ROBO2: variants seen among roughly 807,000 people sequenced by gnomAD.
The protein encoded by ROBO2 is roundabout guidance receptor 2, also known as roundabout homolog 2.
A neutral mutation model predicts 160.8 loss-of-function variants in ROBO2; 53 were observed. That is an observed-to-expected ratio of 0.33 (90% CI 0.26 to 0.41). The LOEUF (loss-of-function observed/expected upper bound fraction) is 0.41, where lower values mean the gene tolerates loss of function less well. ROBO2 is among the 10% of genes least tolerant of loss of function. The pLI is 1.00. For missense variants in ROBO2, 1,577 were observed against 1,722.4 expected (o/e 0.92, Z 1.49); for synonymous variants, 664 against 611.7 (o/e 1.09, Z -1.26).
chr3:77,029,181 G>A (rs768278006), intron 2 of ROBO2, among the ~76,000 whole-genome samples: 1 of 152,134 alleles, frequency 6.6e-6, no homozygotes, highest in African/African-American at 2.4e-5. Flanking sequence ...TGTGTGGTGT[G>A]TGTGTATGTG....
chr3:77,503,633 T>A (rs2153609824), intron 5 of ROBO2, among the ~76,000 whole-genome samples: 1 of 152,032 alleles, frequency 6.6e-6, no homozygotes, highest in South Asian at 2.1e-4. Flanking sequence ...AGAGTATGAT[T>A]TTTGCTAATT....
intron 2 of ROBO2, among the ~76,000 whole-genome samples, chr3:76,114,348 G>T (rs751132687): frequency 6.6e-6 from 1 of 152,016 alleles, no homozygotes; most frequent in African/African-American, 2.4e-5. Context: ...GGAATAAATT[G>T]ATTCTATCCA....
chr3:76,304,236 C>T (rs2071213717), intron 2 of ROBO2, among the ~76,000 whole-genome samples: 1 of 152,172 alleles, frequency 6.6e-6, no homozygotes, highest in Non-Finnish European at 1.5e-5. Flanking sequence ...TTTGCCTTTG[C>T]AGCAGGCTGA....
chr3:76,063,674 T>C (rs1012894821), intron 2 of ROBO2, among the ~76,000 whole-genome samples: 27 of 152,044 alleles, frequency 1.8e-4, no homozygotes, highest in African/African-American at 6.0e-4. Flanking sequence ...TACCAAACTT[T>C]TGAGATAGGT....
intron 2 of ROBO2, among the ~76,000 whole-genome samples, chr3:76,924,089 A>C (rs2076834331): frequency 6.6e-6 from 1 of 152,184 alleles, no homozygotes; most frequent in African/African-American, 2.4e-5. Context: ...CAGTATGTAG[A>C]CCATCAAGTT....
chr3:77,509,425 C>G (rs1323955005), intron 5 of ROBO2, among the ~76,000 whole-genome samples: 1 of 151,924 alleles, frequency 6.6e-6, no homozygotes, highest in African/African-American at 2.4e-5. Flanking sequence ...CAGGTGTGAG[C>G]AAGGATATTC....
Position 77,294,602 on chromosome 3 carries a change from A to C in ROBO2, c.389-182812A>C, listed in dbSNP as rs1363088630. Among the ~76,000 whole-genome samples, 370 of 147,400 alleles carry C rather than the reference A, an allele frequency of 2.5e-3. 31 individuals are homozygous for C. The highest frequency in any genetic ancestry group is 9.4e-3 in the African/African-American group (353 of 37,684). The stretch of plus-strand genomic sequence containing the variant: ...ACAGGTAAGCTGAGGCTAGATCATC[A>C]AAGACATAAAGTAAAATTGACGGTT... On this transcript the variant is annotated intron_variant, in intron 2 of 25. Transcript: ENST00000461745.
intron 2 of ROBO2, among the ~76,000 whole-genome samples, chr3:76,243,092 T>G (rs1576060813): frequency 6.6e-6 from 1 of 151,802 alleles, no homozygotes; most frequent in African/African-American, 2.4e-5. Flanking sequence ...TTCCAGGGGG[T>G]TTCTCATTCC....
chr3:76,127,898 T>TC (rs1221303849), intron 2 of ROBO2, among the ~76,000 whole-genome samples: 1 of 144,444 alleles, frequency 6.9e-6, no homozygotes, highest in Non-Finnish European at 1.5e-5. Flanking sequence ...ACATTTCTTT[T>TC]TTTTTTTTTT....
At chr3:77,434,145 A>T (rs1011587565) in intron 2 of ROBO2, among the ~76,000 whole-genome samples, 1 of 151,964 alleles carries the variant, frequency 6.6e-6, no homozygotes, top group Non-Finnish European at 1.5e-5. Context: ...ATCTCTTCAC[A>T]GCTCTCTTCT....
At chr3:76,599,088 T>C (rs968436702) in intron 2 of ROBO2, among the ~76,000 whole-genome samples, 2 of 152,178 alleles carry the variant, frequency 1.3e-5, no homozygotes, top group Non-Finnish European at 2.9e-5. Flanking sequence ...AATTTTGTTT[T>C]AGGTTCAGGG....
chr3:76,692,944 G>T (rs1344371993), intron 2 of ROBO2, among the ~76,000 whole-genome samples: 1 of 149,768 alleles, frequency 6.7e-6, no homozygotes, highest in Non-Finnish European at 1.5e-5. Context: ...TGTATATATA[G>T]TGTACATACA....
chr3:76,413,505 G>A (rs2075600613), intron 2 of ROBO2, among the ~76,000 whole-genome samples: 1 of 152,156 alleles, frequency 6.6e-6, no homozygotes, highest in Admixed American at 6.5e-5. Context: ...TTGCTGCTTA[G>A]AAAGTTCTTC....
chr3:77,493,572 T>C (rs928910289), intron 5 of ROBO2, among the ~76,000 whole-genome samples, 190 bp downstream of exon 5: 3 of 152,202 alleles, frequency 2.0e-5, no homozygotes, highest in Non-Finnish European at 4.4e-5. Context: ...ATGTCACTCT[T>C]TCAATGAGTA....
chr3:76,650,933 T>TGTTTTAACAGTTAAAAGCAAA (rs2091228147), intron 2 of ROBO2, among the ~76,000 whole-genome samples: 1 of 152,188 alleles, frequency 6.6e-6, no homozygotes, highest in Admixed American at 6.5e-5. Flanking sequence ...TAAATTTAAC[T>TGTTTTAACAGTTAAAAGCAAA]GTTAAAAGAC....
At chr3:76,859,259 T>G (rs1173431761) in intron 2 of ROBO2, among the ~76,000 whole-genome samples, 1 of 152,238 alleles carries the variant, frequency 6.6e-6, no homozygotes, top group African/African-American at 2.4e-5. Flanking sequence ...ATAGTCAATT[T>G]TATCAATGCA....
At chr3:77,332,491 G>C (rs2066072451) in intron 2 of ROBO2, among the ~76,000 whole-genome samples, 1 of 152,106 alleles carries the variant, frequency 6.6e-6, no homozygotes, top group African/African-American at 2.4e-5. Flanking sequence ...TTCTTAGTGT[G>C]TATAGTTATG....
chr3:75,968,044 A>C (rs1949182550), intron 2 of ROBO2, among the ~76,000 whole-genome samples: 1 of 151,614 alleles, frequency 6.6e-6, no homozygotes, highest in South Asian at 2.1e-4. Flanking sequence ...TTTTAAATTT[A>C]CAATAGTTTG....
At chr3:77,615,853 T>C (rs1344360299) in intron 21 of ROBO2, among the ~76,000 whole-genome samples, 3 of 152,182 alleles carry the variant, frequency 2.0e-5, no homozygotes, top group Non-Finnish European at 4.4e-5. Flanking sequence ...TGGAAAGGCA[T>C]TCAAGTGAAA....
Sources: allele counts gnomAD v4.1 joint callset (sites outside exome capture counted in the v4.1 genomes callset), GRCh38; gene constraint gnomAD v4.1.1; transcripts MANE v1.5; gene names NCBI Gene and HGNC (gene_info 2026-07-23, HGNC 2026-07-21).